ETV1: variants seen among roughly 807,000 people sequenced by gnomAD.
The protein encoded by ETV1 is ETS variant transcription factor 1.
In ETV1, 27 loss-of-function variants were observed where a neutral mutation model predicts 62.3. The ratio of observed to expected loss-of-function variants is 0.43; its 90% CI spans 0.32 to 0.60. ETV1 has a LOEUF of 0.60. ETV1 is among the 20% of genes least tolerant of loss of function. The pLI, the probability that ETV1 is intolerant of heterozygous loss-of-function variation, is 0.06. For missense variants in ETV1, 605 were observed against 605.8 expected (o/e 1.00, Z 0.01); for synonymous variants, 222 against 199.6 (o/e 1.11, Z -0.94).
At chr7:13,917,697 G>A (rs1784337694) in intron 9 of ETV1, among the ~76,000 whole-genome samples, 1 of 148,824 alleles carries the variant, frequency 6.7e-6, no homozygotes, top group Non-Finnish European at 1.5e-5. Context: ...GGGCGCGGTG[G>A]CTCACGCCTG....
intron 9 of ETV1, among the ~76,000 whole-genome samples, chr7:13,920,788 G>T (rs891560245): frequency 2.0e-5 from 3 of 152,126 alleles, no homozygotes; most frequent in African/African-American, 7.2e-5. Context: ...GATATAGTGG[G>T]CCAGAGTACT....
rs1423575504 is a variant in ETV1 at position 13,909,645 on chromosome 7, T to C, written c.927A>G (p.Pro309=). ...RQFYDDTCVV[P]EKFDGDIKQE... is the part of the protein sequence containing the mutation. ...TGTAAAACCTACCATCGAATTTTTC[T>C]GGGACAACACAGGTGTCATCATAAA... The change falls in exon 11 of 14, where the codon CCA becomes CCG. Residue 309 remains proline, a synonymous_variant. Coordinates refer to ENST00000430479, the MANE Select transcript of ETV1 (RefSeq NM_004956.5). The C allele has an allele frequency of 6.2e-7, 1 of 1,613,218 alleles. No individual in the cohort carries two copies. The highest frequency in any genetic ancestry group is 1.3e-5 in the African/African-American group (1 of 74,910).
intron 9 of ETV1, among the ~76,000 whole-genome samples, chr7:13,921,689 T>C (rs1304253823): frequency 6.6e-6 from 1 of 152,174 alleles, no homozygotes; most frequent in Non-Finnish European, 1.5e-5. Context: ...ACCTCCAATT[T>C]CTAATATCTG....
At chr7:13,972,057 C>T (rs1197092341) in intron 6 of ETV1, among the ~76,000 whole-genome samples, 2 of 151,982 alleles carry the variant, frequency 1.3e-5, no homozygotes, top group African/African-American at 4.8e-5. Flanking sequence ...TTGCAGTGAG[C>T]CGAGATCGTG....
chr7:13,925,781 C>T (rs540271473), intron 9 of ETV1, among the ~76,000 whole-genome samples: 29 of 151,942 alleles, frequency 1.9e-4, no homozygotes, highest in African/African-American at 6.5e-4. Context: ...TGGTCTTGAT[C>T]TCCTGACCTC....
intron 6 of ETV1, among the ~76,000 whole-genome samples, chr7:13,974,094 A>T (rs904818422): frequency 7.2e-5 from 11 of 152,256 alleles, no homozygotes. Context: ...AATATAATAT[A>T]CAAGATGCTG....
intron 3 of ETV1, chr7:13,988,547 T>TGCC: frequency 8.9e-6 from 3 of 337,732 alleles, no homozygotes; most frequent in East Asian, 7.4e-5. Flanking sequence ...CAGCCCCTCC[T>TGCC]CCCCACCCCA....
intron 11 of ETV1, among the ~76,000 whole-genome samples, chr7:13,908,107 C>G (rs1240482300): frequency 6.6e-6 from 1 of 152,094 alleles, no homozygotes; most frequent in Admixed American, 6.6e-5. Context: ...ACTGATCACA[C>G]TGACCATGTA....
intron 6 of ETV1, among the ~76,000 whole-genome samples, chr7:13,965,020 C>T (rs1790619755): frequency 6.6e-6 from 1 of 152,026 alleles, no homozygotes; most frequent in African/African-American, 2.4e-5. Flanking sequence ...ATTAGTAATA[C>T]TCCTACTACT....
rs1313397075 is a variant in ETV1, at chr7:13,894,118, C to G, written c.*1748G>C. 3 of 230,410 alleles carry G rather than the reference C, an allele frequency of 1.3e-5. No individual in the cohort carries two copies. The highest frequency in any genetic ancestry group is 2.6e-5 in the Non-Finnish European group (3 of 117,416). 14.3% of individuals were successfully genotyped at this position (230,410 alleles called of 1,614,324 possible). ...TCTTTTTCATGCTCATCACGAAATG[C>G]TTTTACAATAGGTTTATTTTGACTT... On this transcript the variant is annotated 3_prime_UTR_variant, in exon 14 of 14. Transcript: ENST00000430479.
intron 9 of ETV1, among the ~76,000 whole-genome samples, chr7:13,918,760 A>T (rs1784487576): frequency 6.6e-6 from 1 of 151,530 alleles, no homozygotes; most frequent in Admixed American, 6.6e-5. Context: ...GCATTGGGAG[A>T]TATACCTAAT....
At chr7:13,950,264 C>T (rs981241071) in intron 6 of ETV1, among the ~76,000 whole-genome samples, 4 of 152,048 alleles carry the variant, frequency 2.6e-5, no homozygotes, top group Non-Finnish European at 5.9e-5. Context: ...GAAGTAGATC[C>T]TTAGCACGTG....
chr7:13,922,344 A>G (rs770330766), intron 9 of ETV1, among the ~76,000 whole-genome samples: 9 of 149,162 alleles, frequency 6.0e-5, no homozygotes, highest in Non-Finnish European at 1.2e-4. Flanking sequence ...ATACTATTCT[A>G]CTTCCTTTCC....
chr7:13,955,580 T>C (rs142522356), intron 6 of ETV1, among the ~76,000 whole-genome samples: 65 of 152,170 alleles, frequency 4.3e-4, no homozygotes, highest in African/African-American at 8.9e-4. Flanking sequence ...AAGAAAGCCT[T>C]GGAGAGACTT....
intron 7 of ETV1, 102 bp from the exon 8 acceptor site, chr7:13,935,998 A>G: frequency 2.2e-6 from 2 of 902,302 alleles, no homozygotes; most frequent in Non-Finnish European, 3.3e-6. Context: ...GACTTAAGTC[A>G]AATGGAAATG....
chr7:13,894,757 CA>C lies in ETV1; in HGVS notation c.*1108del, dbSNP rs1462839631. On this transcript the variant is annotated 3_prime_UTR_variant, in exon 14 of 14. Coordinates refer to ENST00000430479, the MANE Select transcript of ETV1 (RefSeq NM_004956.5). ...GAGAATATTACAGAAAAGACAGCAG[CA>C]GAAGCATTAGCATTATCTAATATTT... The C allele has an allele frequency of 4.3e-6, 1 of 232,436 alleles. No homozygotes were observed. The highest frequency in any genetic ancestry group is 5.6e-5 in the Admixed American group (1 of 17,770). The allele number at this position is 232,436 out of a possible 1,614,324, so 14.4% of individuals were successfully genotyped here.
intron 9 of ETV1, among the ~76,000 whole-genome samples, chr7:13,916,667 G>T (rs1377860895): frequency 6.6e-6 from 1 of 152,038 alleles, no homozygotes; most frequent in Non-Finnish European, 1.5e-5. Flanking sequence ...AGTAGCTCAT[G>T]CATGTAATCT....
intron 8 of ETV1, 116 bp downstream of exon 8, chr7:13,935,592 A>G: frequency 1.3e-6 from 1 of 786,702 alleles, no homozygotes; most frequent in Non-Finnish European, 2.1e-6. Context: ...TTTTGCACAG[A>G]TGTGCAAAAT....
At chr7:13,939,384 G>A in intron 6 of ETV1, 138 bp from the exon 7 acceptor site, 1 of 673,178 alleles carries the variant, frequency 1.5e-6, no homozygotes, top group Non-Finnish European at 2.3e-6. Context: ...CACGTTTGAT[G>A]AATTTCAGTA....
Sources: gnomAD v4.1 joint callset for allele counts (sites outside exome capture counted in the v4.1 genomes callset) on GRCh38, gnomAD v4.1.1 for gene constraint, MANE v1.5 for transcripts, NCBI Gene and HGNC (gene_info 2026-07-23, HGNC 2026-07-21) for gene names.